The following KLHL29 variants were observed in gnomAD, a reference collection of about 807,000 sequenced individuals.
The protein encoded by KLHL29 is kelch-like protein 29.
KLHL29 carries 21 observed loss-of-function variants against 80.4 expected under a neutral mutation model. The observed-to-expected ratio is 0.26, with a 90% CI of 0.19 to 0.38. The LOEUF (loss-of-function observed/expected upper bound fraction) is 0.38. KLHL29 is among the 10% of genes least tolerant of loss of function. KLHL29 has a pLI of 1.00. For synonymous variants in KLHL29, 511 were observed against 526.8 expected (o/e 0.97, Z 0.41); for missense variants, 867 against 1,223.9 (o/e 0.71, Z 4.35).
In KLHL29 at chr2:23,696,354, C is replaced by T. The variant is rs1671958739; in HGVS notation, c.1946C>T (p.Thr649Met). 2.0e-5 allele frequency: 31 copies of T among 1,551,608 alleles called. No homozygotes were observed. The highest frequency in any genetic ancestry group is 2.7e-5 in the African/African-American group (2 of 73,148). The change falls in exon 11 of 14, where the codon ACG (threonine) becomes ATG (methionine). Residue 649 changes from threonine (T) to methionine (M), a missense_variant. By Grantham distance (81) the Thr-to-Met change is moderately conservative. This residue lies in a region of KLHL29 where 443 missense variants were observed against 767.0 expected (regional missense o/e 0.58). Coordinates refer to ENST00000486442, the MANE Select transcript of KLHL29 (RefSeq NM_052920.2). This position sits in a 1 kb window ranked among gnomAD's most constrained non-coding sequence, Gnocchi z 5.5. ...CCAGGTGGGATGGAATCAGGGGTGA[C>T]GCTGGCTGATGTCTGGTGCTACATG... Reference protein sequence around the residue: ...YLSGGMESGVTLADVWCYMSL... With the variant: ...YLSGGMESGVMLADVWCYMSL...
chr2:23,423,669 G>A (rs117011882), intron 1 of KLHL29, among the ~76,000 whole-genome samples: 3,636 of 152,224 alleles, frequency 0.024, 325 homozygotes, highest in Admixed American at 0.17. Flanking sequence ...GGTCCTGTGG[G>A]AACACCATTC....
At chr2:23,704,628 G>C (rs1319110490) in intron 13 of KLHL29, among the ~76,000 whole-genome samples, 1 of 152,190 alleles carries the variant, frequency 6.6e-6, no homozygotes, top group Non-Finnish European at 1.5e-5. Context: ...TTTGCCAGGC[G>C]TGGTGGCATG....
chr2:23,639,072 A>C, intron 3 of KLHL29, 67 bp from the exon 4 acceptor site: 1 of 1,432,332 alleles, frequency 7.0e-7, no homozygotes, highest in Non-Finnish European at 9.2e-7. Flanking sequence ...GGTCCCTCCT[A>C]GGGAGTCTTG....
At chr2:23,550,433 G>A (rs1378165510) in intron 2 of KLHL29, among the ~76,000 whole-genome samples, 1 of 152,168 alleles carries the variant, frequency 6.6e-6, no homozygotes, top group African/African-American at 2.4e-5. Flanking sequence ...GCTGGTGAAA[G>A]GTTCGTTCCA....
chr2:23,660,753 C>G (rs574130734), intron 5 of KLHL29, among the ~76,000 whole-genome samples: 4 of 152,196 alleles, frequency 2.6e-5, no homozygotes, highest in Non-Finnish European at 5.9e-5. Flanking sequence ...TGGCCGGGCA[C>G]AGTGGCTCAC....
chr2:23,472,417 C>CTT (rs1664518196), intron 1 of KLHL29, among the ~76,000 whole-genome samples: 1 of 152,146 alleles, frequency 6.6e-6, no homozygotes, highest in Admixed American at 6.5e-5. Flanking sequence ...GGGCGGATCA[C>CTT]AAGGTCAGAA....
intron 5 of KLHL29, among the ~76,000 whole-genome samples, chr2:23,656,875 G>A (rs916901565): frequency 6.6e-6 from 1 of 151,306 alleles, no homozygotes; most frequent in Non-Finnish European, 1.5e-5. Context: ...CCGCCTGCAC[G>A]GTGTTTCATC....
intron 2 of KLHL29, among the ~76,000 whole-genome samples, chr2:23,542,818 G>A (rs1257649877): frequency 6.6e-6 from 1 of 152,192 alleles, no homozygotes; most frequent in Non-Finnish European, 1.5e-5. Flanking sequence ...TTTCACCAGG[G>A]ACACCTGGGG....
At chr2:23,419,636 C>T (rs139962881) in intron 1 of KLHL29, among the ~76,000 whole-genome samples, 56 of 152,238 alleles carry the variant, frequency 3.7e-4, no homozygotes, top group African/African-American at 1.3e-3. Flanking sequence ...TTGCCCTTTC[C>T]CTGAAAAATG....
chr2:23,440,995 C>G (rs894342479), intron 1 of KLHL29, among the ~76,000 whole-genome samples: 1 of 152,114 alleles, frequency 6.6e-6, no homozygotes, highest in Non-Finnish European at 1.5e-5. Flanking sequence ...ACCCAAAGGG[C>G]TATAAATCAT....
chr2:23,410,902 C>T (rs1458891889), intron 1 of KLHL29, among the ~76,000 whole-genome samples: 3 of 152,130 alleles, frequency 2.0e-5, no homozygotes, highest in Non-Finnish European at 2.9e-5. Context: ...CTCTTGAGTA[C>T]AGAGATGGAA....
At chr2:23,430,415 T>C (rs900619605) in intron 1 of KLHL29, among the ~76,000 whole-genome samples, 1 of 152,254 alleles carries the variant, frequency 6.6e-6, no homozygotes, top group Non-Finnish European at 1.5e-5. Flanking sequence ...TTACAGTGAC[T>C]ACATGAGATG....
chr2:23,415,755 G>A (rs1049732845), intron 1 of KLHL29, among the ~76,000 whole-genome samples: 4 of 151,868 alleles, frequency 2.6e-5, no homozygotes, highest in Non-Finnish European at 1.5e-5. Flanking sequence ...CTAAAATGCA[G>A]TGGCACGATC....
At chr2:23,583,593 CA>C (rs1320631894) in intron 3 of KLHL29, among the ~76,000 whole-genome samples, 1 of 152,184 alleles carries the variant, frequency 6.6e-6, no homozygotes, top group African/African-American at 2.4e-5. Flanking sequence ...CATTTACGTG[CA>C]GTGGTGTCTC....
chr2:23,645,804 G>A (rs1669911131), intron 5 of KLHL29, among the ~76,000 whole-genome samples: 1 of 152,180 alleles, frequency 6.6e-6, no homozygotes, highest in Non-Finnish European at 1.5e-5. Context: ...TTCCAAAAAG[G>A]GCGTTGGGAC....
At chr2:23,482,257 C>T (rs992682463) in intron 2 of KLHL29, among the ~76,000 whole-genome samples, 2 of 152,202 alleles carry the variant, frequency 1.3e-5, no homozygotes, top group African/African-American at 4.8e-5. Context: ...CCTTGTTTGG[C>T]ACCTGGGCTA....
intron 3 of KLHL29, among the ~76,000 whole-genome samples, chr2:23,575,810 C>T (rs1156693680): frequency 5.9e-5 from 9 of 152,182 alleles, no homozygotes; most frequent in Admixed American, 5.2e-4. Flanking sequence ...GCTCACCCAC[C>T]GGAGCTCCAG....
chr2:23,606,706 T>C (rs1668737397), intron 3 of KLHL29, among the ~76,000 whole-genome samples: 1 of 152,098 alleles, frequency 6.6e-6, no homozygotes. Context: ...AGGAGAGTCA[T>C]TTATGGGGCA....
chr2:23,508,239 C>CT (rs1203937188), intron 2 of KLHL29, among the ~76,000 whole-genome samples: 1 of 152,240 alleles, frequency 6.6e-6, no homozygotes, highest in African/African-American at 2.4e-5. Flanking sequence ...CTCACAGATT[C>CT]TGTAGGTCAG....
Sources: gnomAD v4.1 joint callset for allele counts (sites outside exome capture counted in the v4.1 genomes callset) on GRCh38, gnomAD v4.1.1 for gene constraint, gnomAD v4.1.1 regional missense constraint, Gnocchi (gnomAD v3.1) non-coding constraint, MANE v1.5 for transcripts, NCBI Gene and HGNC (gene_info 2026-07-23, HGNC 2026-07-21) for gene names.